Variants in POU6F2 observed in about 807,000 individuals in gnomAD.
POU6F2 encodes the protein POU class 6 homeobox 2, also known as POU domain, class 6, transcription factor 2.
POU6F2 carries 31 observed loss-of-function variants against 71.3 expected under a neutral mutation model. The observed-to-expected ratio is 0.43, with a 90% CI of 0.33 to 0.59. The LOEUF is 0.59. Ranked by LOEUF, POU6F2 falls within the 20% of genes least tolerant of loss-of-function variation. The pLI, the probability that POU6F2 is intolerant of heterozygous loss-of-function variation, is 0.04. For missense variants in POU6F2, 783 were observed against 856.8 expected, an observed-to-expected ratio of 0.91 and a Z score of 1.07; for synonymous variants, 347 against 355.7, an observed-to-expected ratio of 0.98 and a Z score of 0.27.
At chr7:39,216,391 C>T (rs192263410) in intron 4 of POU6F2, among the ~76,000 whole-genome samples, 14 of 152,072 alleles carry the variant, frequency 9.2e-5, no homozygotes, top group African/African-American at 2.2e-4. Flanking sequence ...AAATGGGTAA[C>T]GAATATATGG....
At chr7:39,030,819 T>C (rs986542081) in intron 1 of POU6F2, among the ~76,000 whole-genome samples, 2 of 151,512 alleles carry the variant, frequency 1.3e-5, no homozygotes, top group African/African-American at 4.9e-5. Flanking sequence ...TTCCCACCAA[T>C]ACATGAGAGC....
chr7:39,195,527 T>C (rs1300912201), intron 2 of POU6F2, among the ~76,000 whole-genome samples: 1 of 152,136 alleles, frequency 6.6e-6, no homozygotes, highest in African/African-American at 2.4e-5. Flanking sequence ...ATTCTCACGA[T>C]AATTTTGGTC....
At position 39,066,806 on chromosome 7, in the gene POU6F2, CAAA is replaced by C. The variant is rs1790762750; in HGVS notation, c.106-19053_106-19051del. 2.7e-5 allele frequency among the ~76,000 whole-genome samples: 4 copies of C among 149,002 alleles called. No homozygotes were observed. The Admixed American group carries it at 2.7e-4, about 10-fold the overall frequency. On this transcript the variant is annotated intron_variant, in intron 1 of 9. Transcript: ENST00000518318. ...CTGAGAATATCTAAGACGTTTTTGA[CAAA>C]GAAGAATAGCATATAGATGATTTTT...
intron 2 of POU6F2, among the ~76,000 whole-genome samples, chr7:39,117,218 C>A (rs1299596054): frequency 1.3e-5 from 2 of 152,152 alleles, no homozygotes; most frequent in African/African-American, 4.8e-5. Context: ...AGTGTGGTTG[C>A]TGAAAGCTTC....
At chr7:39,327,271 T>C (rs1785525617) in intron 4 of POU6F2, among the ~76,000 whole-genome samples, 3 of 138,348 alleles carry the variant, frequency 2.2e-5, no homozygotes, top group Non-Finnish European at 4.7e-5. Flanking sequence ...AGAGGGAGAC[T>C]CTGTCTCAAA....
intron 6 of POU6F2, among the ~76,000 whole-genome samples, chr7:39,419,797 G>C (rs1229592069): frequency 6.6e-6 from 1 of 152,156 alleles, no homozygotes; most frequent in Non-Finnish European, 1.5e-5. Flanking sequence ...TTTTGAGTCA[G>C]CTGCCCACAC....
At chr7:39,327,236 G>A (rs1042846335) in intron 4 of POU6F2, among the ~76,000 whole-genome samples, 3 of 149,374 alleles carry the variant, frequency 2.0e-5, no homozygotes, top group African/African-American at 5.0e-5. Context: ...CTGAGATCAC[G>A]CCACTGCACT....
intron 2 of POU6F2, among the ~76,000 whole-genome samples, chr7:39,110,423 C>T (rs1027927225): frequency 6.6e-6 from 1 of 151,936 alleles, no homozygotes; most frequent in Non-Finnish European, 1.5e-5. Context: ...ACATTTATTG[C>T]ATCTGCATGG....
At chr7:39,293,584 A>C (rs1468865770) in intron 4 of POU6F2, among the ~76,000 whole-genome samples, 1 of 152,202 alleles carries the variant, frequency 6.6e-6, no homozygotes, top group East Asian at 1.9e-4. Context: ...AGCCGAGGGA[A>C]GCAGGCCCAC....
chr7:39,073,654 A>G (rs780150627), intron 1 of POU6F2, among the ~76,000 whole-genome samples: 1 of 152,246 alleles, frequency 6.6e-6, no homozygotes, highest in Non-Finnish European at 1.5e-5. Flanking sequence ...GCAGCCGTGT[A>G]CAGACCCAAG....
chr7:39,339,717 A>G lies in POU6F2; in HGVS notation c.674A>G (p.Gln225Arg), dbSNP rs776531969. The G allele has an allele frequency of 1.9e-6, 3 of 1,602,998 alleles. No individual in the cohort carries two copies. The highest frequency in any genetic ancestry group is 2.2e-5 in the South Asian group (2 of 90,156). The stretch of plus-strand genomic sequence containing the variant: ...CAGCAGCAGCAGCAGCAGCAGCAGC[A>G]GCCTCCCCCGTCAACCAACCAGCAC... ...LQQQQQQQQQ[Q>R]PPPSTNQHPQ... Residue 225 changes from glutamine (Q) to arginine (R), a missense_variant, in exon 5 of 10, where the codon CAG becomes CGG. Gln to Arg is a conservative substitution (Grantham distance 43). This residue lies in a region of POU6F2 where 572 missense variants were observed against 572.9 expected (regional missense o/e 1.00). Transcript: ENST00000518318.
intron 5 of POU6F2, among the ~76,000 whole-genome samples, chr7:39,382,026 A>C (rs1163713615): frequency 6.6e-6 from 1 of 151,608 alleles, no homozygotes; most frequent in Non-Finnish European, 1.5e-5. Flanking sequence ...GTAGCAGTTG[A>C]GAATCAACAC....
chr7:39,322,929 T>C (rs1345824684), intron 4 of POU6F2, among the ~76,000 whole-genome samples: 1 of 152,156 alleles, frequency 6.6e-6, no homozygotes, highest in Non-Finnish European at 1.5e-5. Context: ...TCAGAAATTC[T>C]CCAGTGGTAT....
chr7:39,198,173 TAAA>T (rs1317448997), intron 2 of POU6F2, among the ~76,000 whole-genome samples: 1 of 152,200 alleles, frequency 6.6e-6, no homozygotes, highest in African/African-American at 2.4e-5. Context: ...AAACAAATGA[TAAA>T]AAATTATTGG....
At chr7:38,999,382 A>G (rs1477637663) in intron 1 of POU6F2, among the ~76,000 whole-genome samples, 2 of 152,182 alleles carry the variant, frequency 1.3e-5, no homozygotes, top group East Asian at 3.9e-4. Context: ...TAAAGGCATG[A>G]TCCAAGGCTG....
At chr7:39,111,379 A>G (rs1791810002) in intron 2 of POU6F2, among the ~76,000 whole-genome samples, 1 of 152,142 alleles carries the variant, frequency 6.6e-6, no homozygotes, top group South Asian at 2.1e-4. Context: ...TAGTATTTAG[A>G]TTTCTGTGGA....
At chr7:39,030,543 T>TATATATATATATATAC (rs1491146903) in intron 1 of POU6F2, among the ~76,000 whole-genome samples, 10 of 88,018 alleles carry the variant, frequency 1.1e-4, no homozygotes, top group East Asian at 7.0e-4. Flanking sequence ...TATATATATA[T>TATATATATATATATAC]ACACACACAT....
At chr7:39,279,425 A>G (rs6462900) in intron 4 of POU6F2, among the ~76,000 whole-genome samples, 115,215 of 152,158 alleles carry the variant, frequency 0.76, 43,731 homozygotes, top group Middle Eastern at 0.85. Context: ...ACATCATCCC[A>G]TGGGGTGATT....
chr7:39,116,278 A>G (rs955564519), intron 2 of POU6F2, among the ~76,000 whole-genome samples: 1 of 152,146 alleles, frequency 6.6e-6, no homozygotes, highest in Admixed American at 6.5e-5. Context: ...CCAACTGCTC[A>G]GGAGACTGAG....
Sources: gnomAD v4.1 joint callset for allele counts (sites outside exome capture counted in the v4.1 genomes callset) on GRCh38, gnomAD v4.1.1 for gene constraint, gnomAD v4.1.1 regional missense constraint, MANE v1.5 for transcripts, NCBI Gene and HGNC (gene_info 2026-07-23, HGNC 2026-07-21) for gene names.